Variants in AGMO observed in about 807,000 individuals in gnomAD.
AGMO encodes the protein glyceryl-ether monooxygenase.
A neutral mutation model predicts 60.2 loss-of-function variants in AGMO; 75 were observed. The ratio of observed to expected loss-of-function variants is 1.25; its 90% confidence interval spans 1.03 to 1.51. The LOEUF is 1.51. Among genes scored for constraint, AGMO ranks in the 40% most tolerant of loss-of-function variants. AGMO has a pLI of 0.00. For missense variants in AGMO, 763 were observed against 525.5 expected (o/e 1.45, Z -4.42); for synonymous variants, 261 against 177.1 (o/e 1.47, Z -3.76).
chr7:15,449,215 T>C (rs548251005), intron 3 of AGMO, among the ~76,000 whole-genome samples: 1 of 152,304 alleles, frequency 6.6e-6, no homozygotes, highest in South Asian at 2.1e-4. Context: ...AAGTTCAATA[T>C]ACAGCTGAGA....
At chr7:15,400,633 T>C (rs1169600867) in intron 5 of AGMO, among the ~76,000 whole-genome samples, 5 of 152,144 alleles carry the variant, frequency 3.3e-5, no homozygotes, top group Non-Finnish European at 7.3e-5. Flanking sequence ...TCTTGGAGTT[T>C]GAAGCCAGGA....
At chr7:15,545,006 A>G in intron 2 of AGMO, 83 bp from the exon 3 acceptor site, 1 of 969,402 alleles carries the variant, frequency 1.0e-6, no homozygotes, top group Non-Finnish European at 1.4e-6. Flanking sequence ...AACATTTAAA[A>G]TTAATATCTT....
the AGMO span, among the ~76,000 whole-genome samples, chr7:15,149,889 T>A: frequency 6.6e-6 from 1 of 152,196 alleles, no homozygotes; most frequent in Admixed American, 6.5e-5. Flanking sequence ...ACATTGAATC[T>A]GTAAATTGCT....
At chr7:15,272,918 G>A (rs1583350299) in intron 12 of AGMO, among the ~76,000 whole-genome samples, 1 of 152,228 alleles carries the variant, frequency 6.6e-6, no homozygotes. Context: ...GTGTCTGTTG[G>A]CTGCATAAAT....
intron 12 of AGMO, among the ~76,000 whole-genome samples, chr7:15,259,880 G>A: frequency 1.2e-5 from 1 of 82,612 alleles, no homozygotes; most frequent in South Asian, 4.4e-4. Context: ...CAACTACCAA[G>A]CCAGCACTAC....
intron 12 of AGMO, among the ~76,000 whole-genome samples, chr7:15,344,062 T>C (rs557097747): frequency 6.6e-6 from 1 of 152,314 alleles, no homozygotes; most frequent in East Asian, 1.9e-4. Context: ...TGGGGATTGA[T>C]ATAAATTAAA....
intron 12 of AGMO, among the ~76,000 whole-genome samples, chr7:15,350,371 G>A (rs1161015511): frequency 1.3e-5 from 2 of 152,226 alleles, no homozygotes; most frequent in East Asian, 3.9e-4. Flanking sequence ...TCCACATTAG[G>A]TTTTAATCTG....
rs139752613 is a variant in AGMO, at chr7:15,453,096, T to C, written c.410-21988A>G. On this transcript the variant is annotated intron_variant, in intron 3 of 12. Coordinates refer to ENST00000342526, the MANE Select transcript of AGMO (RefSeq NM_001004320.2). ...AGGGGAAATGGGAAGTCATTGCTAA[T>C]GGGCACCAGATCTCCTTGGAGGTGA... Among the ~76,000 whole-genome samples the C allele has an allele frequency of 7.1e-3, 1,085 of 152,250 alleles. 11 individuals are homozygous for C. Among genetic ancestry groups the C allele is most frequent in the African/African-American group, 0.025 (1,057 of 41,546 alleles).
intron 12 of AGMO, among the ~76,000 whole-genome samples, chr7:15,202,489 A>AAAAAAC (rs1277846759): frequency 7.6e-6 from 1 of 132,054 alleles, no homozygotes; most frequent in Non-Finnish European, 1.6e-5. Context: ...AAAAAAAAAA[A>AAAAAAC]CCCTCCCAAA....
chr7:15,152,477 CTT>C, the AGMO span, among the ~76,000 whole-genome samples: 1 of 152,134 alleles, frequency 6.6e-6, no homozygotes, highest in African/African-American at 2.4e-5. Flanking sequence ...GTAGTCTAGT[CTT>C]TTGTCTCTCA....
chr7:15,200,010 T>C (rs1262947733), downstream of AGMO, among the ~76,000 whole-genome samples: 1 of 152,166 alleles, frequency 6.6e-6, no homozygotes, highest in African/African-American at 2.4e-5. Context: ...AAATAATGTA[T>C]TGCTAATATG....
At chr7:15,416,629 G>A (rs927533536) in intron 5 of AGMO, among the ~76,000 whole-genome samples, 29 of 152,062 alleles carry the variant, frequency 1.9e-4, no homozygotes, top group African/African-American at 6.5e-4. Flanking sequence ...GGAATATGCA[G>A]GGCTCTTTGG....
chr7:15,480,545 A>T (rs914515155), intron 3 of AGMO, among the ~76,000 whole-genome samples: 3 of 152,152 alleles, frequency 2.0e-5, no homozygotes, highest in Admixed American at 1.3e-4. Flanking sequence ...ATTTAGGGTG[A>T]GGGTTTTGTA....
intron 3 of AGMO, among the ~76,000 whole-genome samples, chr7:15,484,634 C>G (rs538429494): frequency 6.6e-6 from 1 of 152,026 alleles, no homozygotes; most frequent in South Asian, 2.1e-4. Flanking sequence ...AATGTTTTGA[C>G]AAAAAACAAT....
intron 3 of AGMO, among the ~76,000 whole-genome samples, chr7:15,527,213 G>C (rs1005797401): frequency 6.6e-6 from 1 of 152,112 alleles, no homozygotes; most frequent in East Asian, 1.9e-4. Context: ...TTAAAAGCTA[G>C]ACCTCTTGTG....
At chr7:15,320,328 CA>C (rs1781070355) in intron 12 of AGMO, among the ~76,000 whole-genome samples, 1 of 151,012 alleles carries the variant, frequency 6.6e-6, no homozygotes, top group Admixed American at 6.6e-5. Flanking sequence ...TGAAGAAAGT[CA>C]AAAACAAATT....
At chr7:15,156,488 G>C in the AGMO span, among the ~76,000 whole-genome samples, 1 of 152,234 alleles carries the variant, frequency 6.6e-6, no homozygotes, top group East Asian at 1.9e-4. Context: ...AAACCCTCTG[G>C]GCTTAATGCA....
In AGMO at chr7:15,522,671, C is replaced by G. The variant is rs561776687; in HGVS notation, c.409+22101G>C. 2.1e-4 allele frequency among the ~76,000 whole-genome samples: 32 copies of G among 152,222 alleles called. No homozygotes were observed. In the South Asian group the frequency reaches 2.3e-3, roughly 11 times the overall value. ...CAGAAAACTGAAACCGGACCCCTTC[C>G]TTACACCTTATACAAAAATTAACTC... is the stretch of plus-strand genomic sequence containing the variant. On this transcript the variant is annotated intron_variant, in intron 3 of 12. Coordinates refer to ENST00000342526, the MANE Select transcript of AGMO (RefSeq NM_001004320.2).
At chr7:15,450,680 T>C (rs59837143) in intron 3 of AGMO, among the ~76,000 whole-genome samples, 27,398 of 152,010 alleles carry the variant, frequency 0.18, 2,968 homozygotes, top group African/African-American at 0.29. Context: ...GATATTATTC[T>C]GGATGCATAA....
Sources: gnomAD v4.1 joint callset for allele counts (sites outside exome capture counted in the v4.1 genomes callset) on GRCh38, gnomAD v4.1.1 for gene constraint, MANE v1.5 for transcripts, NCBI Gene and HGNC (gene_info 2026-07-23, HGNC 2026-07-21) for gene names.